The following SH3KBP1 variants were observed in gnomAD, a reference collection of about 807,000 sequenced individuals.
SH3KBP1 encodes SH3 domain-containing kinase-binding protein 1.
Under a neutral mutation model 50.1 loss-of-function variants are expected in SH3KBP1, and 8 were observed. That is an observed-to-expected ratio of 0.16 (90% CI 0.09 to 0.29). The LOEUF (loss-of-function observed/expected upper bound fraction) is 0.29, where lower values mean the gene tolerates loss of function less well. Among genes scored for constraint, SH3KBP1 ranks in the 10% least tolerant of loss-of-function variants. The pLI is 1.00. For missense variants in SH3KBP1, 377 were observed against 535.2 expected (o/e 0.70, Z 2.92); for synonymous variants, 227 against 218.6 (o/e 1.04, Z -0.34).
intron 6 of SH3KBP1, among the ~76,000 whole-genome samples, chrX:19,676,103 C>G (rs773390041): frequency 3.6e-5 from 4 of 111,678 alleles, no homozygotes; most frequent in Non-Finnish European, 3.8e-5. Flanking sequence ...TCAACCAAAA[C>G]GAGGGACAGC....
chrX:19,661,391 AGT>A (rs1170087874), intron 6 of SH3KBP1, among the ~76,000 whole-genome samples: 1 of 111,407 alleles, frequency 9.0e-6, no homozygotes, highest in Non-Finnish European at 1.9e-5. Flanking sequence ...TATAATGCGA[AGT>A]GGAAAAGATA....
chrX:19,662,162 C>A (rs779075281), intron 6 of SH3KBP1, among the ~76,000 whole-genome samples: 1 of 111,353 alleles, frequency 9.0e-6, no homozygotes, highest in African/African-American at 3.3e-5. Flanking sequence ...CGAAAGACAC[C>A]ACCCATATAG....
At position 19,644,938 on chromosome X, in the gene SH3KBP1, G is replaced by A. The variant is rs752598581; in HGVS notation, c.802+462C>T. 2.2e-3 allele frequency among the ~76,000 whole-genome samples: 242 copies of A among 111,472 alleles called. 3 individuals carry two copies. Among genetic ancestry groups the A allele is most frequent in the African/African-American group, 7.6e-3 (232 of 30,633 alleles). ...AGCCTCCTGCCTGCAGACATGCAGT[G>A]GTATCTGGAGATATTCAAGCAGAGA... On this transcript the variant is annotated intron_variant, in intron 7 of 17. Coordinates refer to ENST00000397821, the MANE Select transcript of SH3KBP1 (RefSeq NM_031892.3).
intron 2 of SH3KBP1, among the ~76,000 whole-genome samples, chrX:19,755,350 C>T (rs1435992166): frequency 8.9e-6 from 1 of 111,796 alleles, no homozygotes; most frequent in Non-Finnish European, 1.9e-5. Flanking sequence ...GCCTGGGCGA[C>T]AGGGCGAGAC....
rs1469425458 is a variant in SH3KBP1 at position 19,661,627 on chromosome X, G to GTT, written c.727-16154_727-16153dup. Among the ~76,000 whole-genome samples, 124 of 75,012 alleles carry GTT rather than the reference G, an allele frequency of 1.7e-3. 1 individual carries two copies. The highest frequency in any genetic ancestry group is 4.8e-3 in the African/African-American group (98 of 20,385). The allele number at this position is 75,012 out of a possible 115,157, so 65.1% of individuals were successfully genotyped here. ...TTTAAAATCAGAAAAAATAAAGGTTGTTTTTTTTTTTTTTTTTGAGATGGA... is the reference window on the plus strand; with the variant it reads ...TTTAAAATCAGAAAAAATAAAGGTTGTTTTTTTTTTTTTTTTTTTGAGATGGA... On this transcript the variant is annotated intron_variant, in intron 6 of 17. Coordinates refer to ENST00000397821, the MANE Select transcript of SH3KBP1 (RefSeq NM_031892.3).
chrX:19,818,885 T>C, intron 2 of SH3KBP1, among the ~76,000 whole-genome samples: 2 of 111,930 alleles, frequency 1.8e-5, no homozygotes, highest in East Asian at 5.5e-4. Context: ...GTTTTCTTTG[T>C]TGCACTATCT....
chrX:19,650,476 G>A (rs973975381), intron 6 of SH3KBP1, among the ~76,000 whole-genome samples: 6 of 111,701 alleles, frequency 5.4e-5, no homozygotes, highest in Admixed American at 9.4e-5. Flanking sequence ...TCACTATCAC[G>A]AGAACAGCAT....
chrX:19,814,033 G>A (rs1470006363), intron 2 of SH3KBP1, among the ~76,000 whole-genome samples: 1 of 110,621 alleles, frequency 9.0e-6, no homozygotes, highest in Non-Finnish European at 1.9e-5. Flanking sequence ...GCTGACAGCC[G>A]GGCAGCTGTG....
At chrX:19,686,515 T>G (rs2063167518) in intron 5 of SH3KBP1, among the ~76,000 whole-genome samples, 1 of 110,919 alleles carries the variant, frequency 9.0e-6, no homozygotes, top group Non-Finnish European at 1.9e-5. Flanking sequence ...GCTTTAGTGT[T>G]TTAACAGTGT....
intron 9 of SH3KBP1, among the ~76,000 whole-genome samples, chrX:19,599,074 C>T (rs942425440): frequency 9.0e-6 from 1 of 111,409 alleles, no homozygotes; most frequent in African/African-American, 3.3e-5. Flanking sequence ...AAACTGCCAA[C>T]ACCCCGTGGC....
chrX:19,836,962 T>C (rs929225788), intron 1 of SH3KBP1, among the ~76,000 whole-genome samples: 3 of 112,326 alleles, frequency 2.7e-5, no homozygotes, highest in Non-Finnish European at 5.6e-5. Flanking sequence ...AAGAAGGATG[T>C]GTTTGCTTTC....
At chrX:19,701,685 A>G (rs964785196) in intron 4 of SH3KBP1, among the ~76,000 whole-genome samples, 12 of 112,119 alleles carry the variant, frequency 1.1e-4, no homozygotes, top group Middle Eastern at 4.6e-3. Context: ...CGTCAATGCC[A>G]TCATTTGCCA....
chrX:19,740,867 A>G (rs2064747058), intron 3 of SH3KBP1: 2 of 234,628 alleles, frequency 8.5e-6, no homozygotes, highest in Non-Finnish European at 1.7e-5. Context: ...CCCTCACACT[A>G]AAAGCTAGAA....
chrX:19,543,664 G>A (rs11796420), intron 15 of SH3KBP1, among the ~76,000 whole-genome samples: 3,785 of 111,550 alleles, frequency 0.034, 79 homozygotes, highest in Non-Finnish European at 0.052. Context: ...GTGGGATCAG[G>A]GAAGGGTTCT....
chrX:19,771,886 G>A (rs1316392005), intron 2 of SH3KBP1, among the ~76,000 whole-genome samples: 1 of 104,945 alleles, frequency 9.5e-6, no homozygotes, highest in East Asian at 3.0e-4. Context: ...AAAAAAATTG[G>A]TTACAATTTT....
At chrX:19,683,285 C>T in intron 6 of SH3KBP1, 1 of 364,252 alleles carries the variant, frequency 2.7e-6, no homozygotes. Context: ...CTGAAGGGAA[C>T]AACCCAGGGA....
At position 19,721,785 on chromosome X, in the gene SH3KBP1, G is replaced by A. The variant is rs1449390522; in HGVS notation, c.287-14801C>T. On this transcript the variant is annotated intron_variant, in intron 3 of 17. Transcript: ENST00000397821. ...AGGTCAAGGTGGAAGGATCCCTTGA[G>A]GGCAGAATTTCAAGGCCTGAGCAAC... 2.0e-4 allele frequency among the ~76,000 whole-genome samples: 22 copies of A among 110,837 alleles called. No individual in the cohort carries two copies. The Admixed American group carries it at 2.0e-3, about 10-fold the overall frequency.
At chrX:19,851,000 G>GC (rs762656773) in intron 1 of SH3KBP1, among the ~76,000 whole-genome samples, 1 of 111,375 alleles carries the variant, frequency 9.0e-6, no homozygotes, top group Non-Finnish European at 1.9e-5. Context: ...ACTTTCTCAT[G>GC]CCTGTCTCCT....
At chrX:19,794,230 CAA>C (rs1218495525) in intron 2 of SH3KBP1, among the ~76,000 whole-genome samples, 2 of 27,338 alleles carry the variant, frequency 7.3e-5, no homozygotes, top group African/African-American at 9.5e-5. Flanking sequence ...CCTGTCTCTA[CAA>C]AAAAAAAAAA....
Sources: gnomAD v4.1 joint callset for allele counts (sites outside exome capture counted in the v4.1 genomes callset) on GRCh38, gnomAD v4.1.1 for gene constraint, MANE v1.5 for transcripts, NCBI Gene and HGNC (gene_info 2026-07-23, HGNC 2026-07-21) for gene names.